Variants in GAREM1 observed in about 807,000 individuals in gnomAD.
GAREM1 encodes the protein GRB2 associated regulator of MAPK1 subtype 1, also known as GRB2-associated and regulator of MAPK protein 1.
Under a neutral mutation model 71.3 loss-of-function variants are expected in GAREM1, and 26 were observed. That is an observed-to-expected ratio of 0.36 (90% CI 0.27 to 0.51). The LOEUF is 0.51. Among genes scored for constraint, GAREM1 ranks in the 20% least tolerant of loss-of-function variants. The pLI, the probability that GAREM1 is intolerant of heterozygous loss-of-function variation, is 0.95. For synonymous variants in GAREM1, 440 were observed against 433.2 expected, an observed-to-expected ratio of 1.02 and a Z score of -0.20; for missense variants, 1,026 against 1,103.1, an observed-to-expected ratio of 0.93 and a Z score of 0.99.
intron 1 of GAREM1, among the ~76,000 whole-genome samples, chr18:32,447,295 C>T (rs1053383212): frequency 2.6e-5 from 4 of 152,182 alleles, no homozygotes; most frequent in African/African-American, 9.6e-5. Flanking sequence ...AATATATATA[C>T]CTTTAAATAA....
intron 5 of GAREM1, 85 bp from the exon 6 acceptor site, chr18:32,268,853 G>T (rs900840104): frequency 9.0e-6 from 10 of 1,110,898 alleles, no homozygotes; most frequent in Non-Finnish European, 1.3e-5. Context: ...CGTTACTGCT[G>T]AGTAGAAAAG....
At chr18:32,306,315 G>A (rs1052699383) in intron 3 of GAREM1, among the ~76,000 whole-genome samples, 3 of 152,020 alleles carry the variant, frequency 2.0e-5, no homozygotes, top group Non-Finnish European at 4.4e-5. Context: ...AAATGCTGGG[G>A]TACTCCAGGG....
At chr18:32,352,096 G>C (rs2047758818) in intron 2 of GAREM1, among the ~76,000 whole-genome samples, 1 of 152,036 alleles carries the variant, frequency 6.6e-6, no homozygotes, top group African/African-American at 2.4e-5. Context: ...CCCAAACAAA[G>C]GCATTCTGAG....
chr18:32,389,484 T>C (rs2048176176), intron 2 of GAREM1, among the ~76,000 whole-genome samples: 1 of 152,200 alleles, frequency 6.6e-6, no homozygotes, highest in Non-Finnish European at 1.5e-5. Context: ...GTTTAGTAGC[T>C]TGCCCAAAGT....
intron 1 of GAREM1, among the ~76,000 whole-genome samples, chr18:32,459,312 G>A (rs1326693008): frequency 3.3e-5 from 5 of 151,700 alleles, no homozygotes. Context: ...AACTCTCTGT[G>A]TTGTATAAGC....
chr18:32,293,219 C>T (rs2047104700), intron 3 of GAREM1, among the ~76,000 whole-genome samples: 1 of 152,026 alleles, frequency 6.6e-6, no homozygotes, highest in South Asian at 2.1e-4. Context: ...CAGACACTGC[C>T]CAAATCATTC....
chr18:32,439,593 G>A (rs1438008342), intron 1 of GAREM1, among the ~76,000 whole-genome samples: 1 of 151,574 alleles, frequency 6.6e-6, no homozygotes. Context: ...CAAAGATATT[G>A]AGAAAACACC....
intron 1 of GAREM1, among the ~76,000 whole-genome samples, chr18:32,428,938 TTTTTTTGTATCA>T (rs896957520): frequency 6.6e-6 from 1 of 152,096 alleles, no homozygotes; most frequent in Non-Finnish European, 1.5e-5. Context: ...TTCAAGTTTT[TTTTTTTGTATCA>T]TCTGCAAAGC....
chr18:32,318,448 T>C (rs534525169), intron 2 of GAREM1, among the ~76,000 whole-genome samples: 6 of 152,264 alleles, frequency 3.9e-5, no homozygotes, highest in Non-Finnish European at 8.8e-5. Flanking sequence ...CAGGGAAAGG[T>C]CACTTGTCAG....
At chr18:32,290,642 GAAAAAAAA>G (rs586596) in intron 3 of GAREM1, among the ~76,000 whole-genome samples, 2 of 75,600 alleles carry the variant, frequency 2.6e-5, no homozygotes, top group African/African-American at 8.4e-5. Context: ...CAGACTGTCT[GAAAAAAAA>G]AAAAAAAAAA....
intron 3 of GAREM1, among the ~76,000 whole-genome samples, chr18:32,307,652 T>C (rs1598948518): frequency 1.3e-5 from 2 of 152,130 alleles, no homozygotes; most frequent in East Asian, 1.9e-4. Context: ...CCCCACCGAG[T>C]AGCTGGGATT....
At chr18:32,449,266 G>A (rs1265801307) in intron 1 of GAREM1, among the ~76,000 whole-genome samples, 3 of 152,136 alleles carry the variant, frequency 2.0e-5, no homozygotes, top group East Asian at 3.9e-4. Flanking sequence ...AAACACCAAC[G>A]GATTTGTTTG....
chr18:32,281,175 G>A (rs1465609281), intron 4 of GAREM1, among the ~76,000 whole-genome samples: 1 of 152,172 alleles, frequency 6.6e-6, no homozygotes, highest in Non-Finnish European at 1.5e-5. Context: ...GCTACAAAGT[G>A]GTAGCATGAG....
At chr18:32,412,302 C>A (rs903976168) in intron 1 of GAREM1, 1 of 1,591,920 alleles carries the variant, frequency 6.3e-7, no homozygotes, top group Non-Finnish European at 8.5e-7. Flanking sequence ...GTACTGGCCT[C>A]CACCGCCATA....
At chr18:32,393,171 C>A in intron 1 of GAREM1, 136 bp from the exon 2 acceptor site, 1 of 743,818 alleles carries the variant, frequency 1.3e-6, no homozygotes, top group Non-Finnish European at 2.0e-6. Flanking sequence ...TAAAGTTTAC[C>A]TCTGAATTGT....
chr18:32,331,921 G>A (rs966618328), intron 2 of GAREM1, among the ~76,000 whole-genome samples: 10 of 151,966 alleles, frequency 6.6e-5, no homozygotes, highest in African/African-American at 2.4e-4. Flanking sequence ...GGCAGGGACA[G>A]ACTGACAGGG....
chr18:32,287,845 A>G lies in GAREM1; in HGVS notation c.752T>C (p.Val251Ala). The change falls in exon 4 of 6, where the codon GTG becomes GCG. Residue 251 changes from valine to alanine, a missense_variant. Physicochemically the swap from Val to Ala is moderately conservative, Grantham distance 64. Transcript: ENST00000269209. The surrounding 1 kb of genome is among the most constrained non-coding windows in gnomAD (Gnocchi z 5.9). ...TGGGTTTCTCGGTGGAGGGCTTGGCACAGTCACATTCACAGGAAGCCTGGT... is the reference window on the plus strand; with the variant it reads ...TGGGTTTCTCGGTGGAGGGCTTGGCGCAGTCACATTCACAGGAAGCCTGGT... ...EKTRLPVNVT[V>A]PSPPPRNPYD... 1 of 1,613,836 alleles carries G rather than the reference A, an allele frequency of 6.2e-7. No individual in the cohort carries two copies. Among genetic ancestry groups the G allele is most frequent in the South Asian group, 1.1e-5 (1 of 91,024 alleles).
chr18:32,335,494 G>A (rs1419490281), intron 2 of GAREM1, among the ~76,000 whole-genome samples: 1 of 152,084 alleles, frequency 6.6e-6, no homozygotes, highest in Non-Finnish European at 1.5e-5. Flanking sequence ...AATCACCATG[G>A]GAGAATATTT....
chr18:32,292,810 A>C (rs984075854), intron 3 of GAREM1, among the ~76,000 whole-genome samples: 1 of 152,210 alleles, frequency 6.6e-6, no homozygotes, highest in African/African-American at 2.4e-5. Context: ...TAGGAGTTTG[A>C]GAATGGACTA....
Sources: allele counts gnomAD v4.1 joint callset (sites outside exome capture counted in the v4.1 genomes callset), GRCh38; gene constraint gnomAD v4.1.1; non-coding constraint Gnocchi (gnomAD v3.1); transcripts MANE v1.5; gene names NCBI Gene and HGNC (gene_info 2026-07-23, HGNC 2026-07-21).